CUX2: variants seen among roughly 807,000 people sequenced by gnomAD.
CUX2 encodes cut like homeobox 2.
Under a neutral mutation model 144.8 loss-of-function variants are expected in CUX2, and 40 were observed. The observed-to-expected ratio is 0.28, with a 90% CI of 0.21 to 0.36. The LOEUF is 0.36. Ranked by LOEUF, CUX2 falls within the 10% of genes least tolerant of loss-of-function variation. CUX2 has a pLI of 1.00. For missense variants in CUX2, 1,615 were observed against 1,994.0 expected (o/e 0.81, Z 3.62); for synonymous variants, 827 against 875.6 (o/e 0.94, Z 0.98).
chr12:111,337,087 A>T (rs1208373385), intron 19 of CUX2, among the ~76,000 whole-genome samples: 1 of 152,168 alleles, frequency 6.6e-6, no homozygotes, highest in Non-Finnish European at 1.5e-5. Flanking sequence ...AGGCAGGAGG[A>T]TGGCTTGAGC....
At chr12:111,133,323 G>A (rs544475273) in intron 1 of CUX2, among the ~76,000 whole-genome samples, 8 of 152,074 alleles carry the variant, frequency 5.3e-5, no homozygotes, top group South Asian at 2.1e-4. Flanking sequence ...TCACGCTGCC[G>A]ATAAAGATGT....
intron 18 of CUX2, among the ~76,000 whole-genome samples, chr12:111,330,151 C>T (rs1200115253): frequency 6.6e-6 from 1 of 152,166 alleles, no homozygotes; most frequent in Non-Finnish European, 1.5e-5. Flanking sequence ...GGGCTGGGGG[C>T]ACAGTAGACT....
At chr12:111,081,864 T>C (rs566585674) in intron 1 of CUX2, among the ~76,000 whole-genome samples, 2 of 152,238 alleles carry the variant, frequency 1.3e-5, no homozygotes, top group Admixed American at 6.5e-5. Flanking sequence ...CTGTTTTTTT[T>C]CCAAAACTGT....
chr12:111,197,583 C>T (rs758895930), intron 1 of CUX2, among the ~76,000 whole-genome samples: 2 of 152,204 alleles, frequency 1.3e-5, no homozygotes, highest in Non-Finnish European at 2.9e-5. Context: ...CAACACCCTC[C>T]TTCAGAAATG....
intron 4 of CUX2, among the ~76,000 whole-genome samples, chr12:111,264,040 A>G (rs1884262960): frequency 6.6e-6 from 1 of 152,020 alleles, no homozygotes; most frequent in African/African-American, 2.4e-5. Context: ...TTCCTTCATC[A>G]TGTTGTCACA....
chr12:111,038,377 A>G (rs573278781), intron 1 of CUX2, among the ~76,000 whole-genome samples: 1 of 152,324 alleles, frequency 6.6e-6, no homozygotes, highest in African/African-American at 2.4e-5. Flanking sequence ...CTTCACCATA[A>G]TAGAATTGCT....
chr12:111,198,225 C>T (rs1164664429), intron 1 of CUX2, among the ~76,000 whole-genome samples: 2 of 152,062 alleles, frequency 1.3e-5, no homozygotes, highest in Non-Finnish European at 2.9e-5. Context: ...CCTGTAAGCC[C>T]AGCATTTTGG....
At position 111,223,641 on chromosome 12, in the gene CUX2, G is replaced by A. The variant is rs1233076376; in HGVS notation, c.222+5704G>A. ...AGACCACCCTGCATGGAGAGGTTCT[G>A]GGGGATAAGACAGCACATGGCGGAG... On this transcript the variant is annotated intron_variant, in intron 3 of 21. Coordinates refer to ENST00000261726, the MANE Select transcript of CUX2 (RefSeq NM_015267.4). Among the ~76,000 whole-genome samples the A allele has an allele frequency of 2.6e-5, 4 of 152,198 alleles. No individual in the cohort carries two copies. In the East Asian group the frequency reaches 7.7e-4, roughly 29 times the overall value.
rs781780078 is a variant in CUX2, at chr12:111,320,140, C to G, written c.2131C>G (p.Leu711Val). The part of the protein sequence containing the change: ...RREMQAQQQA[L>V]LEMEVAPRGR... Reference sequence around the variant, plus strand: ...TGAGATGCAGGCGCAACAGCAGGCGCTGCTGGAGATGGAGGTGGCGCCCAG... The same window carrying G: ...TGAGATGCAGGCGCAACAGCAGGCGGTGCTGGAGATGGAGGTGGCGCCCAG... Residue 711 changes from leucine to valine, a missense_variant, in exon 17 of 22, where the codon CTG becomes GTG. Leu to Val is a conservative substitution (Grantham distance 32). This residue lies in a region of CUX2 where 390 missense variants were observed against 387.1 expected (regional missense o/e 1.01). Transcript: ENST00000261726. The surrounding 1 kb of genome is among the most constrained non-coding windows in gnomAD (Gnocchi z 8.1). The G allele has an allele frequency of 6.4e-7, 1 of 1,552,884 alleles. No homozygotes were observed. The highest frequency in any genetic ancestry group is 1.2e-5 in the South Asian group (1 of 84,892).
intron 3 of CUX2, among the ~76,000 whole-genome samples, chr12:111,260,460 T>A (rs1884059144): frequency 6.6e-6 from 1 of 150,422 alleles, no homozygotes; most frequent in African/African-American, 2.5e-5. Context: ...CGAGACTCTG[T>A]CTCAGGAAAA....
chr12:111,043,844 A>C (rs1308515135), intron 1 of CUX2, among the ~76,000 whole-genome samples: 1 of 152,180 alleles, frequency 6.6e-6, no homozygotes, highest in East Asian at 1.9e-4. Context: ...GTACATACTC[A>C]CGAGACAGAA....
At chr12:111,247,787 A>C (rs1883348709) in intron 3 of CUX2, among the ~76,000 whole-genome samples, 1 of 152,164 alleles carries the variant, frequency 6.6e-6, no homozygotes, top group African/African-American at 2.4e-5. Flanking sequence ...TGTTCCCCCT[A>C]GATGATGTCA....
intron 1 of CUX2, among the ~76,000 whole-genome samples, chr12:111,152,933 A>G (rs1877141420): frequency 6.6e-6 from 1 of 152,260 alleles, no homozygotes; most frequent in Non-Finnish European, 1.5e-5. Context: ...GAGAAGGGAC[A>G]GTGTGGCTTT....
At chr12:111,288,629 C>T (rs1253442264) in intron 4 of CUX2, among the ~76,000 whole-genome samples, 1 of 152,034 alleles carries the variant, frequency 6.6e-6, no homozygotes, top group Non-Finnish European at 1.5e-5. Context: ...GAGTTCGAGA[C>T]CAGCCTGACC....
In CUX2 at chr12:111,186,768, TATG is replaced by T. The variant is rs1879558096; in HGVS notation, c.64-27428_64-27426del. On this transcript the variant is annotated intron_variant, in intron 1 of 21. Coordinates refer to ENST00000261726, the MANE Select transcript of CUX2 (RefSeq NM_015267.4). This position sits in a 1 kb window ranked among gnomAD's most constrained non-coding sequence, Gnocchi z 4.4. The stretch of plus-strand genomic sequence containing the variant: ...AGACATGTGCAGGTATTAAAATCGA[TATG>T]ATGTGTGTATGTTTTTTTTTTTTTT... 6.7e-6 allele frequency among the ~76,000 whole-genome samples: 1 copy of T among 149,180 alleles called. No individual in the cohort carries two copies. Among genetic ancestry groups the T allele is most frequent in the Non-Finnish European group, 1.5e-5 (1 of 67,836 alleles).
rs1219544967 is a variant in CUX2, at chr12:111,049,196, T to TTCATCCATCCAC, written c.63+14956_63+14957insTCATCCATCCAC. On this transcript the variant is annotated intron_variant, in intron 1 of 21. Transcript: ENST00000261726. Reference sequence around the variant, plus strand: ...ATTCATCCATCCATCCATCCATCCATGAATTCATCCATCCACGAATTCATC... The same window carrying TTCATCCATCCAC: ...ATTCATCCATCCATCCATCCATCCATTCATCCATCCACGAATTCATCCATCCACGAATTCATC... Among the ~76,000 whole-genome samples, 549 of 152,176 alleles carry TTCATCCATCCAC rather than the reference T, an allele frequency of 3.6e-3. 5 individuals are homozygous for TTCATCCATCCAC. Among genetic ancestry groups the TTCATCCATCCAC allele is most frequent in the African/African-American group, 0.013 (520 of 41,490 alleles).
At chr12:111,098,757 T>C (rs983693003) in intron 1 of CUX2, among the ~76,000 whole-genome samples, 1 of 152,242 alleles carries the variant, frequency 6.6e-6, no homozygotes, top group African/African-American at 2.4e-5. Flanking sequence ...CCTGATTCCC[T>C]TTCTCTTCGT....
At chr12:111,222,604 C>T (rs1369801541) in intron 3 of CUX2, among the ~76,000 whole-genome samples, 1 of 152,186 alleles carries the variant, frequency 6.6e-6, no homozygotes, top group African/African-American at 2.4e-5. Flanking sequence ...GGTCTGAGCC[C>T]CACCCTCACA....
Position 111,304,264 on chromosome 12 carries a change from G to C in CUX2, c.808G>C (p.Val270Leu). ...AAGTCTCCGGGAACAGCTGGCCTCT[G>C]TCAACAGCTCCATCCGCCTGGCTTG... ...VESLREQLAS[V>L]NSSIRLACCS... Residue 270 changes from valine to leucine, a missense_variant, in exon 10 of 22, where the codon GTC becomes CTC. Around this residue, in one of 12 missense-constraint regions of CUX2, gnomAD observed 295 missense variants for 400.2 expected, o/e 0.74. Coordinates refer to ENST00000261726, the MANE Select transcript of CUX2 (RefSeq NM_015267.4). This position sits in a 1 kb window ranked among gnomAD's most constrained non-coding sequence, Gnocchi z 4.7. The C allele has an allele frequency of 6.2e-7, 1 of 1,614,032 alleles. No individual in the cohort carries two copies. The highest frequency in any genetic ancestry group is 8.5e-7 in the Non-Finnish European group (1 of 1,179,970).
Sources: allele counts gnomAD v4.1 joint callset (sites outside exome capture counted in the v4.1 genomes callset), GRCh38; gene constraint gnomAD v4.1.1; regional missense constraint gnomAD v4.1.1; non-coding constraint Gnocchi (gnomAD v3.1); transcripts MANE v1.5; gene names NCBI Gene and HGNC (gene_info 2026-07-23, HGNC 2026-07-21).